The following DACH1 variants were observed in gnomAD, a reference collection of about 807,000 sequenced individuals.
The protein encoded by DACH1 is dachshund family transcription factor 1.
A neutral mutation model predicts 54.2 loss-of-function variants in DACH1; 12 were observed. The observed-to-expected ratio is 0.22, with a 90% CI of 0.14 to 0.36. The LOEUF is 0.36. Among genes scored for constraint, DACH1 ranks in the 10% least tolerant of loss-of-function variants. The pLI, the probability that DACH1 is intolerant of heterozygous loss-of-function variation, is 1.00. For synonymous variants in DACH1, 386 were observed against 366.2 expected (o/e 1.05, Z -0.62); for missense variants, 805 against 929.8 (o/e 0.87, Z 1.75).
intron 1 of DACH1, among the ~76,000 whole-genome samples, chr13:71,765,800 A>G (rs1413201118): frequency 6.6e-6 from 1 of 152,192 alleles, no homozygotes; most frequent in Admixed American, 6.5e-5. Context: ...GTCATGGAAT[A>G]AGAAAATGAC....
Position 71,604,742 on chromosome 13 carries a change from G to A in DACH1, c.1126+25814C>T, listed in dbSNP as rs1166186431. Among the ~76,000 whole-genome samples, 12 of 151,832 alleles carry A rather than the reference G, an allele frequency of 7.9e-5. No homozygotes were observed. The East Asian group carries it at 2.1e-3, about 27-fold the overall frequency. On this transcript the variant is annotated intron_variant, in intron 3 of 10. Coordinates refer to ENST00000613252, the MANE Select transcript of DACH1 (RefSeq NM_080759.6). ...AGAACCCAGGTGTCACATGGCAATG[G>A]AGCAATTTCTCATTTATCTCCTCCT...
At chr13:71,724,775 T>C (rs1883395112) in intron 1 of DACH1, among the ~76,000 whole-genome samples, 5 of 152,174 alleles carry the variant, frequency 3.3e-5, no homozygotes, top group Admixed American at 2.6e-4. Context: ...TTATGATTTA[T>C]GTCCATTTGT....
At chr13:71,596,104 A>C (rs1874075245) in intron 3 of DACH1, among the ~76,000 whole-genome samples, 1 of 149,756 alleles carries the variant, frequency 6.7e-6, no homozygotes, top group Non-Finnish European at 1.5e-5. Context: ...ACATATATGT[A>C]TTTTTTTTTT....
intron 1 of DACH1, among the ~76,000 whole-genome samples, chr13:71,788,520 G>A (rs1328454977): frequency 6.6e-6 from 1 of 151,858 alleles, no homozygotes; most frequent in Non-Finnish European, 1.5e-5. Context: ...AGAATCAAAT[G>A]TGAAGAAATA....
intron 6 of DACH1, among the ~76,000 whole-genome samples, chr13:71,491,394 G>A (rs932135935): frequency 2.0e-5 from 3 of 152,070 alleles, no homozygotes; most frequent in Non-Finnish European, 2.9e-5. Flanking sequence ...ACATGTGTGC[G>A]TGCATGCCTG....
chr13:71,468,515 G>C (rs1876794518), intron 10 of DACH1, among the ~76,000 whole-genome samples: 1 of 152,132 alleles, frequency 6.6e-6, no homozygotes, highest in South Asian at 2.1e-4. Context: ...ATTGAAATGT[G>C]CATTAACAAT....
At chr13:71,776,454 T>C (rs1157309377) in intron 1 of DACH1, among the ~76,000 whole-genome samples, 1 of 152,124 alleles carries the variant, frequency 6.6e-6, no homozygotes, top group Non-Finnish European at 1.5e-5. Context: ...GTATTATAAC[T>C]TTAGATGTTA....
intron 3 of DACH1, among the ~76,000 whole-genome samples, chr13:71,616,816 A>AAG (rs139700767): frequency 4.6e-5 from 7 of 150,894 alleles, no homozygotes; most frequent in African/African-American, 7.3e-5. Flanking sequence ...TATACATAGA[A>AAG]AGAGAGAGAG....
chr13:71,837,914 A>G (rs563199109), intron 1 of DACH1, among the ~76,000 whole-genome samples: 109 of 146,640 alleles, frequency 7.4e-4, no homozygotes, highest in African/African-American at 2.5e-3. Flanking sequence ...ACAAAAAACC[A>G]AACACCGCAT....
At chr13:71,806,416 A>T (rs1209824203) in intron 1 of DACH1, among the ~76,000 whole-genome samples, 2 of 152,176 alleles carry the variant, frequency 1.3e-5, no homozygotes, top group Non-Finnish European at 2.9e-5. Context: ...CACAAAATTA[A>T]CTTAGAATGT....
chr13:71,675,120 G>C, intron 2 of DACH1: 1 of 1,582,596 alleles, frequency 6.3e-7, no homozygotes, highest in Non-Finnish European at 8.7e-7. Flanking sequence ...CACCCAGGAA[G>C]TAACTGGCTA....
chr13:71,700,963 C>A (rs544592884), intron 1 of DACH1, among the ~76,000 whole-genome samples: 1 of 152,218 alleles, frequency 6.6e-6, no homozygotes, highest in East Asian at 1.9e-4. Context: ...TTTCTAGGAA[C>A]CTTTCCCCAA....
intron 3 of DACH1, among the ~76,000 whole-genome samples, chr13:71,585,091 G>A (rs1214422284): frequency 2.0e-5 from 3 of 151,984 alleles, no homozygotes; most frequent in East Asian, 1.9e-4. Context: ...AGCATATACC[G>A]AACATCTATT....
At chr13:71,586,593 A>C (rs1258755753) in intron 3 of DACH1, among the ~76,000 whole-genome samples, 1 of 152,116 alleles carries the variant, frequency 6.6e-6, no homozygotes, top group Non-Finnish European at 1.5e-5. Flanking sequence ...GCTTTCTTCA[A>C]TACTGACCTC....
At chr13:71,757,433 G>A (rs1011114311) in intron 1 of DACH1, among the ~76,000 whole-genome samples, 1 of 151,856 alleles carries the variant, frequency 6.6e-6, no homozygotes, top group Non-Finnish European at 1.5e-5. Context: ...AACCTCTGTA[G>A]GGACCATTTT....
At chr13:71,644,052 G>A (rs1196058932) in intron 2 of DACH1, among the ~76,000 whole-genome samples, 1 of 152,104 alleles carries the variant, frequency 6.6e-6, no homozygotes, top group African/African-American at 2.4e-5. Context: ...AGGGAGGAGG[G>A]GGACATGTTT....
intron 1 of DACH1, among the ~76,000 whole-genome samples, chr13:71,778,380 C>T (rs941228940): frequency 1.3e-5 from 2 of 151,882 alleles, no homozygotes; most frequent in Non-Finnish European, 2.9e-5. Context: ...TTGTCTTTAA[C>T]ATTAGAGTAA....
At chr13:71,721,888 AG>A (rs1883245596) in intron 1 of DACH1, among the ~76,000 whole-genome samples, 1 of 152,140 alleles carries the variant, frequency 6.6e-6, no homozygotes, top group African/African-American at 2.4e-5. Flanking sequence ...AGACACTTAA[AG>A]TTATGAATAT....
intron 3 of DACH1, among the ~76,000 whole-genome samples, chr13:71,627,490 A>C (rs949163176): frequency 3.3e-5 from 5 of 152,060 alleles, no homozygotes; most frequent in Admixed American, 1.3e-4. Flanking sequence ...ACCCCTCTGA[A>C]GGGTTTCACT....
Sources: allele counts gnomAD v4.1 joint callset (sites outside exome capture counted in the v4.1 genomes callset), GRCh38; gene constraint gnomAD v4.1.1; transcripts MANE v1.5; gene names NCBI Gene and HGNC (gene_info 2026-07-23, HGNC 2026-07-21).